SRBD1: variants seen among roughly 807,000 people sequenced by gnomAD.
The protein encoded by SRBD1 is S1 RNA-binding domain-containing protein 1.
SRBD1 carries 88 observed loss-of-function variants against 115.3 expected under a neutral mutation model. The ratio of observed to expected loss-of-function variants is 0.76; its 90% CI spans 0.64 to 0.91. SRBD1 has a LOEUF of 0.91. Among genes scored for constraint, SRBD1 ranks in the 40% least tolerant of loss-of-function variants. The pLI, the probability that SRBD1 is intolerant of heterozygous loss-of-function variation, is 0.00. For missense variants in SRBD1, 1,385 were observed against 1,177.4 expected, an observed-to-expected ratio of 1.18 and a Z score of -2.58; for synonymous variants, 509 against 407.7, an observed-to-expected ratio of 1.25 and a Z score of -2.99.
At chr2:45,502,896 T>C (rs987900763) in intron 14 of SRBD1, among the ~76,000 whole-genome samples, 9 of 152,060 alleles carry the variant, frequency 5.9e-5, no homozygotes, top group African/African-American at 9.7e-5. Flanking sequence ...CACAGCTCAA[T>C]GCAGCCCCAA....
In SRBD1 at chr2:45,483,800, T is replaced by C. The variant is rs182477840; in HGVS notation, c.1966+4440A>G. On this transcript the variant is annotated intron_variant, in intron 15 of 20. Transcript: ENST00000263736. ...ATTAGAATTTTTTCACTATAATGCT[T>C]ATTAAAATGTAGTTTTAGAAGTCGA... Among the ~76,000 whole-genome samples, 103 of 152,230 alleles carry C rather than the reference T, an allele frequency of 6.8e-4. 3 individuals are homozygous for C. Among genetic ancestry groups the C allele is most frequent in the Admixed American group, 6.0e-3 (92 of 15,286 alleles).
chr2:45,497,781 A>C (rs987783741), intron 14 of SRBD1, among the ~76,000 whole-genome samples: 3 of 152,040 alleles, frequency 2.0e-5, no homozygotes, highest in African/African-American at 4.8e-5. Flanking sequence ...TCACGCCTGT[A>C]ATCTCAGCAC....
At chr2:45,536,085 T>C (rs1019590217) in intron 14 of SRBD1, among the ~76,000 whole-genome samples, 3 of 152,040 alleles carry the variant, frequency 2.0e-5, no homozygotes, top group Admixed American at 6.6e-5. Flanking sequence ...TCCTAATCTT[T>C]TTCTGGTTGC....
At chr2:45,416,924 G>A (rs561315359) in intron 18 of SRBD1, among the ~76,000 whole-genome samples, 1 of 152,034 alleles carries the variant, frequency 6.6e-6, no homozygotes. Context: ...GATTACAGGT[G>A]AGCACCACCA....
At chr2:45,468,036 T>C (rs1045743390) in intron 16 of SRBD1, among the ~76,000 whole-genome samples, 1 of 152,178 alleles carries the variant, frequency 6.6e-6, no homozygotes, top group Non-Finnish European at 1.5e-5. Context: ...ACTCCTGGTG[T>C]ACCTCTCCCA....
intron 14 of SRBD1, among the ~76,000 whole-genome samples, chr2:45,544,102 G>A (rs1328860658): frequency 2.0e-5 from 3 of 151,868 alleles, no homozygotes; most frequent in South Asian, 4.2e-4. Context: ...GCATGGTGGC[G>A]GGCACCTGTA....
At chr2:45,432,530 G>GAAAAGACA (rs1668372072) in intron 16 of SRBD1, among the ~76,000 whole-genome samples, 1 of 152,184 alleles carries the variant, frequency 6.6e-6, no homozygotes, top group African/African-American at 2.4e-5. Flanking sequence ...AAAATCATAT[G>GAAAAGACA]TATTCCATGT....
chr2:45,419,120 T>C (rs1432519442), intron 17 of SRBD1, among the ~76,000 whole-genome samples: 1 of 152,230 alleles, frequency 6.6e-6, no homozygotes, highest in African/African-American at 2.4e-5. Context: ...TAAAATTCCA[T>C]ATATGAAATT....
At chr2:45,445,550 TAAAAAAAAAAAAAA>T (rs59451865) in intron 16 of SRBD1, among the ~76,000 whole-genome samples, 99 of 37,046 alleles carry the variant, frequency 2.7e-3, no homozygotes, top group South Asian at 0.023. Flanking sequence ...TTCCCAGAGG[TAAAAAAAAAAAAAA>T]AAAAAAAAAA....
At position 45,452,992 on chromosome 2, in the gene SRBD1, T is replaced by C. The variant is rs79326705; in HGVS notation, c.2049+24001A>G. On this transcript the variant is annotated intron_variant, in intron 16 of 20. Transcript: ENST00000263736. ...GTAGTCATTTGAAGTCCACAATATG[T>C]ATACTGTGTTTGTAATAACTGCAGA... Among the ~76,000 whole-genome samples, 1,299 of 152,112 alleles carry C rather than the reference T, an allele frequency of 8.5e-3. 22 individuals are homozygous for C. Among genetic ancestry groups the C allele is most frequent in the African/African-American group, 0.03 (1,236 of 41,554 alleles).
At chr2:45,485,881 A>G (rs976117319) in intron 15 of SRBD1, among the ~76,000 whole-genome samples, 6 of 152,200 alleles carry the variant, frequency 3.9e-5, no homozygotes, top group East Asian at 3.8e-4. Context: ...TGGAAAACCA[A>G]GAGTAGAGAC....
intron 19 of SRBD1, among the ~76,000 whole-genome samples, chr2:45,406,668 C>T (rs1667446732): frequency 6.6e-6 from 1 of 152,128 alleles, no homozygotes; most frequent in African/African-American, 2.4e-5. Context: ...GTGGAATATT[C>T]TTCAGGAAAT....
chr2:45,582,791 CAGA>C (rs1673405503), intron 5 of SRBD1, among the ~76,000 whole-genome samples: 1 of 152,142 alleles, frequency 6.6e-6, no homozygotes, highest in Non-Finnish European at 1.5e-5. Context: ...GCCCTGGAAT[CAGA>C]AGAATGATAC....
intron 9 of SRBD1, among the ~76,000 whole-genome samples, chr2:45,566,802 A>G (rs538853487): frequency 4.6e-5 from 7 of 152,236 alleles, no homozygotes; most frequent in Admixed American, 2.0e-4. Flanking sequence ...CCTCCCTTAA[A>G]TATCTGCTAG....
At chr2:45,411,346 A>G (rs1225286133) in intron 19 of SRBD1, among the ~76,000 whole-genome samples, 1 of 152,222 alleles carries the variant, frequency 6.6e-6, no homozygotes, top group Non-Finnish European at 1.5e-5. Flanking sequence ...CATTAACAGG[A>G]AAATAGATAA....
At chr2:45,410,905 A>G (rs1204065179) in intron 19 of SRBD1, among the ~76,000 whole-genome samples, 3 of 151,934 alleles carry the variant, frequency 2.0e-5, no homozygotes, top group Non-Finnish European at 1.5e-5. Context: ...CCTTCCCCCT[A>G]TACCTTTCCC....
At chr2:45,461,195 C>T (rs1669303986) in intron 16 of SRBD1, among the ~76,000 whole-genome samples, 1 of 152,200 alleles carries the variant, frequency 6.6e-6, no homozygotes, top group Admixed American at 6.5e-5. Context: ...TGTGCCACTC[C>T]AAAGAAGCAG....
chr2:45,401,909 T>C (rs1468452590), intron 19 of SRBD1, among the ~76,000 whole-genome samples: 1 of 152,180 alleles, frequency 6.6e-6, no homozygotes, highest in East Asian at 1.9e-4. Context: ...GAAGACTTCT[T>C]TGCTCGGCAG....
chr2:45,428,556 A>C (rs1183359545), intron 16 of SRBD1, among the ~76,000 whole-genome samples: 2 of 117,102 alleles, frequency 1.7e-5, no homozygotes, highest in Non-Finnish European at 3.9e-5. Flanking sequence ...CGTCTCAAAA[A>C]AATAAATAAA....
Sources: allele counts gnomAD v4.1 joint callset (sites outside exome capture counted in the v4.1 genomes callset), GRCh38; gene constraint gnomAD v4.1.1; transcripts MANE v1.5; gene names NCBI Gene and HGNC (gene_info 2026-07-23, HGNC 2026-07-21).